Variants in NOS3 observed in about 807,000 individuals in gnomAD.
NOS3 encodes nitric oxide synthase 3, also known as NOS type III.
Under a neutral mutation model 144.9 loss-of-function variants are expected in NOS3, and 98 were observed. That is an observed-to-expected ratio of 0.68 (90% CI 0.57 to 0.80). NOS3 has a LOEUF of 0.80. Ranked by LOEUF, NOS3 falls within the 30% of genes least tolerant of loss-of-function variation. The pLI is 0.00. For missense variants in NOS3, 1,465 were observed against 1,656.4 expected (o/e 0.88, Z 2.01); for synonymous variants, 714 against 702.4 (o/e 1.02, Z -0.26).
Position 151,009,355 on chromosome 7 carries a change from C to A in NOS3, c.2325-43C>A. 4.7e-6 allele frequency: 4 copies of A among 859,910 alleles called. 1 individual carries two copies. The highest frequency in any genetic ancestry group is 7.2e-6 in the Non-Finnish European group (4 of 554,490). The allele number at this position is 859,910 out of a possible 1,614,324, so 53.3% of individuals were successfully genotyped here. ...CTCCTCCCACATTCTCCCGCCCCCA[C>A]CCCTCTCTGACTCCCCATAAGTGCC... On this transcript the variant is annotated intron_variant, in intron 19 of 26. Transcript: ENST00000297494.
At position 150,999,049 on chromosome 7, in the gene NOS3, C is replaced by G; in HGVS notation, c.920C>G (p.Pro307Arg). 1 of 1,612,618 alleles carries G rather than the reference C, an allele frequency of 6.2e-7. No individual in the cohort carries two copies. The change falls in exon 8 of 27, where the codon CCC becomes CGC. Residue 307 changes from proline (P) to arginine (R), a missense_variant. By Grantham distance (103) the Pro-to-Arg change is moderately radical. Around this residue, in one of 5 missense-constraint regions of NOS3, gnomAD observed 745 missense variants for 853.9 expected, o/e 0.87. Coordinates refer to ENST00000297494, the MANE Select transcript of NOS3 (RefSeq NM_000603.5). ...DDPPELFLLP[P>R]ELVLEVPLEH... The stretch of plus-strand genomic sequence containing the variant: ...CCCCCAGAACTCTTCCTTCTGCCCC[C>G]CGAGCTGGTCCTTGAGGTGCCCCTG...
At position 150,998,377 on chromosome 7, in the gene NOS3, C is replaced by T. The variant is rs1289127475; in HGVS notation, c.603C>T (p.Cys201=). The T allele has an allele frequency of 1.9e-6, 3 of 1,612,144 alleles. No individual in the cohort carries two copies. The highest frequency in any genetic ancestry group is 2.5e-6 in the Non-Finnish European group (3 of 1,179,808). Residue 201 remains cysteine (C), a synonymous_variant, in exon 6 of 27, where the codon TGC becomes TGT. Coordinates refer to ENST00000297494, the MANE Select transcript of NOS3 (RefSeq NM_000603.5). The surrounding 1 kb of genome is among the most constrained non-coding windows in gnomAD (Gnocchi z 5.0). ...CTCAGGTGTTCGATGCCCGGGACTG[C>T]AGGTCTGCACAGGAAATGTTCACCT... ...GKLQVFDARD[C]RSAQEMFTYI... is the part of the protein sequence containing the mutation.
At position 151,001,409 on chromosome 7, in the gene NOS3, C is replaced by T. The variant is rs774225083; in HGVS notation, c.1412C>T (p.Pro471Leu). The change falls in exon 11 of 27, where the codon CCG (proline) becomes CTG (leucine). Residue 471 changes from proline (P) to leucine (L), a missense_variant. By Grantham distance (98) the Pro-to-Leu change is moderately conservative. This residue lies in a region of NOS3 where 745 missense variants were observed against 853.9 expected (regional missense o/e 0.87). Transcript: ENST00000297494. ...GAGATGGTCAACTATTTCCTGTCCC[C>T]GGCCTTCCGCTACCAGGTGCCCACC... is the stretch of plus-strand genomic sequence containing the variant. ...HQEMVNYFLS[P>L]AFRYQPDPWK... 2 of 1,589,038 alleles carry T rather than the reference C, an allele frequency of 1.3e-6. No homozygotes were observed. Among genetic ancestry groups the T allele is most frequent in the Non-Finnish European group, 8.6e-7 (1 of 1,166,214 alleles).
chr7:151,003,824 C>G lies in NOS3; in HGVS notation c.1752+1520C>G. On this transcript the variant is annotated intron_variant, in intron 14 of 26. Coordinates refer to ENST00000297494, the MANE Select transcript of NOS3 (RefSeq NM_000603.5). The surrounding 1 kb of genome is among the most constrained non-coding windows in gnomAD (Gnocchi z 4.1). ...ATTTCACTCATTCTGCTGCTGAGTG[C>G]CGTTCATTGTGTGAATATCCCCAGT... 3 of 436,460 alleles carry G rather than the reference C, an allele frequency of 6.9e-6. No individual in the cohort carries two copies. The highest frequency in any genetic ancestry group is 5.0e-5 in the South Asian group (3 of 60,470). The allele number at this position is 436,460 out of a possible 1,614,324, so 27.0% of individuals were successfully genotyped here. A position where few individuals can be genotyped will look rare whatever the true frequency, so the allele number is the denominator to read the frequency against.
rs1441608470 is a variant in NOS3 at position 151,003,181 on chromosome 7, A to T, written c.1752+877A>T. 1 of 453,662 alleles carries T rather than the reference A, an allele frequency of 2.2e-6. No homozygotes were observed. The highest frequency in any genetic ancestry group is 1.6e-5 in the South Asian group (1 of 64,318). 28.1% of individuals were successfully genotyped at this position (453,662 alleles called of 1,614,324 possible). ...CACTTTGTGGCCCAGGCTGGAGTGCAGTAGTACAATCACGGCTCACTGCAG... is the reference window on the plus strand; with the variant it reads ...CACTTTGTGGCCCAGGCTGGAGTGCTGTAGTACAATCACGGCTCACTGCAG... On this transcript the variant is annotated intron_variant, in intron 14 of 26. Transcript: ENST00000297494. The surrounding 1 kb of genome is among the most constrained non-coding windows in gnomAD (Gnocchi z 4.1).
Position 151,010,611 on chromosome 7 carries a change from C to G in NOS3, c.2700C>G (p.Tyr900Ter), listed in dbSNP as rs143521490. Residue 900 changes from tyrosine (Y) to a stop codon, truncating the protein, a stop_gained, in exon 22 of 27, where the codon TAC (tyrosine) becomes TAG (stop). Coordinates refer to ENST00000297494, the MANE Select transcript of NOS3 (RefSeq NM_000603.5). LOFTEE classifies it high-confidence loss of function. ...LEALSQDPRR[Y>*]EEWKWFRCPT... ...TGCCCCGCCAGGATCCCCGACGCTA[C>G]GAGGAGTGGAAGTGGTTCCGCTGCC... The G allele has an allele frequency of 5.0e-6, 8 of 1,595,112 alleles. No individual in the cohort carries two copies. Among genetic ancestry groups the G allele is most frequent in the East Asian group, 2.3e-5 (1 of 43,978 alleles).
At chr7:150,999,155 A>G (rs773099729) in intron 8 of NOS3, 35 bp from the exon 9 acceptor site, 2 of 1,610,854 alleles carry the variant, frequency 1.2e-6, no homozygotes, top group Admixed American at 3.4e-5. Context: ...AAGGGCCTGC[A>G]AGGGGGTGCT....
At chr7:150,997,331 G>A (rs1271517625) in intron 5 of NOS3, among the ~76,000 whole-genome samples, 4 of 152,102 alleles carry the variant, frequency 2.6e-5, no homozygotes, top group African/African-American at 7.2e-5. Flanking sequence ...TTCCCTGGGC[G>A]GTGCTGTCAG....
chr7:150,991,817 G>A (rs1802259817), intron 1 of NOS3, among the ~76,000 whole-genome samples: 1 of 152,126 alleles, frequency 6.6e-6, no homozygotes, highest in Non-Finnish European at 1.5e-5. Context: ...TCAACATGGT[G>A]AAACCCTGTC....
Position 150,998,588 on chromosome 7 carries a change from C to T in NOS3, c.724C>T (p.Arg242Ter), listed in dbSNP as rs547250013. Residue 242 changes from arginine to a stop codon, truncating the protein, a stop_gained, in exon 7 of 27, where the codon CGA becomes TGA. Transcript: ENST00000297494. LOFTEE classifies it high-confidence loss of function. This position sits in a 1 kb window ranked among gnomAD's most constrained non-coding sequence, Gnocchi z 5.0. ...GCGCTGCCCTGGCCGAGGAGACTTC[C>T]GAATCTGGAACAGCCAGCTGGTGCG... The part of the protein sequence containing the change: ...PQRCPGRGDF[R>*]IWNSQLVRYA... The T allele has an allele frequency of 9.3e-6, 15 of 1,608,782 alleles. No homozygotes were observed. Among genetic ancestry groups the T allele is most frequent in the Admixed American group, 6.7e-5 (4 of 59,500 alleles).
At chr7:150,995,400 A>C in intron 3 of NOS3, 86 bp downstream of exon 3, 24 of 838,324 alleles carry the variant, frequency 2.9e-5, no homozygotes, top group Non-Finnish European at 4.6e-5. Context: ...AGGGAAGCTC[A>C]ACCCTTCTTT....
intron 23 of NOS3, 78 bp from the exon 24 acceptor site, chr7:151,012,273 T>G: frequency 7.4e-7 from 1 of 1,358,234 alleles, no homozygotes; most frequent in Non-Finnish European, 9.9e-7. Context: ...GGGTCCTCCT[T>G]GCTCCACCCA....
At position 151,006,874 on chromosome 7, in the gene NOS3, G is replaced by A. The variant is rs368037419; in HGVS notation, c.1821-15G>A. ...AGGGCCCTGTGACAACCTTGTCTTT[G>A]TCCTCTCTTGCCAGGAGTTATAAGA... is the stretch of plus-strand genomic sequence containing the variant. On this transcript the variant is annotated splice_polypyrimidine_tract_variant and intron_variant, in intron 15 of 26. Transcript: ENST00000297494. 27 of 1,601,794 alleles carry A rather than the reference G, an allele frequency of 1.7e-5. No individual in the cohort carries two copies. The African/African-American group carries it at 2.8e-4, about 17-fold the overall frequency.
intron 14 of NOS3, among the ~76,000 whole-genome samples, chr7:151,005,891 G>A (rs1287669668): frequency 6.6e-6 from 1 of 152,182 alleles, no homozygotes; most frequent in Non-Finnish European, 1.5e-5. Flanking sequence ...AACCAAGAGT[G>A]GTGGCACGCA....
chr7:151,010,417 T>A, intron 21 of NOS3, 130 bp downstream of exon 21: 1 of 1,073,082 alleles, frequency 9.3e-7, no homozygotes, highest in Non-Finnish European at 1.3e-6. Flanking sequence ...CACTGGTGCT[T>A]TAAGACCCAG....
chr7:150,996,810 A>G lies in NOS3; in HGVS notation c.467A>G (p.Glu156Gly). 1.2e-6 allele frequency: 2 copies of G among 1,610,686 alleles called. No homozygotes were observed. The highest frequency in any genetic ancestry group is 1.7e-6 in the Non-Finnish European group (2 of 1,179,480). ...CAGCGGCTTCAAGAGGTGGAAGCCG[A>G]GGTGGCAGCCACAGGCACCTACCAG... ...HEQRLQEVEA[E>G]VAATGTYQLR... Residue 156 changes from glutamate to glycine, a missense_variant, in exon 5 of 27, where the codon GAG becomes GGG. Transcript: ENST00000297494.
In NOS3 at chr7:151,011,356, G is replaced by A. The variant is rs1215676462; in HGVS notation, c.2984+370G>A. ...CAATCCAGGGAGAACTACTAGTTAG[G>A]GTTAAGACCACCCTTGGCCTTGGTG... On this transcript the variant is annotated intron_variant, in intron 23 of 26. Transcript: ENST00000297494. Among the ~76,000 whole-genome samples the A allele has an allele frequency of 4.7e-5, 4 of 84,644 alleles. 1 individual carries two copies. Among genetic ancestry groups the A allele is most frequent in the African/African-American group, 9.1e-5 (3 of 33,132 alleles). The allele number at this position is 84,644 out of a possible 152,430, so 55.5% of individuals were successfully genotyped here.
At chr7:151,008,117 G>T (rs2117129823) in intron 17 of NOS3, among the ~76,000 whole-genome samples, 1 of 152,300 alleles carries the variant, frequency 6.6e-6, no homozygotes, top group Admixed American at 6.5e-5. Context: ...CACATCATCA[G>T]GTTTTGGGAA....
chr7:151,002,047 G>A lies in NOS3; in HGVS notation c.1647+82G>A. Reference sequence around the variant, plus strand: ...TCAGGGGTGCCCTGGAGGACAGGAAGTGTTACAAGTCAGGACTCATGAGGA... The same window carrying A: ...TCAGGGGTGCCCTGGAGGACAGGAAATGTTACAAGTCAGGACTCATGAGGA... On this transcript the variant is annotated intron_variant, in intron 13 of 26. Coordinates refer to ENST00000297494, the MANE Select transcript of NOS3 (RefSeq NM_000603.5). The surrounding 1 kb of genome is among the most constrained non-coding windows in gnomAD (Gnocchi z 4.1). 1 of 1,567,544 alleles carries A rather than the reference G, an allele frequency of 6.4e-7. No individual in the cohort carries two copies. The highest frequency in any genetic ancestry group is 1.1e-5 in the South Asian group (1 of 87,708).
Sources: gnomAD v4.1 joint callset for allele counts (sites outside exome capture counted in the v4.1 genomes callset) on GRCh38, gnomAD v4.1.1 for gene constraint, gnomAD v4.1.1 regional missense constraint, Gnocchi (gnomAD v3.1) non-coding constraint, MANE v1.5 for transcripts, NCBI Gene and HGNC (gene_info 2026-07-23, HGNC 2026-07-21) for gene names.